GRM1: variants seen among roughly 807,000 people sequenced by gnomAD.
The protein encoded by GRM1 is metabotropic glutamate receptor 1.
GRM1 carries 33 observed loss-of-function variants against 90.9 expected under a neutral mutation model. The observed-to-expected ratio is 0.36, with a 90% CI of 0.28 to 0.49. The LOEUF (loss-of-function observed/expected upper bound fraction) is 0.49. Among genes scored for constraint, GRM1 ranks in the 20% least tolerant of loss-of-function variants. The pLI, the probability that GRM1 is intolerant of heterozygous loss-of-function variation, is 0.99. For synonymous variants in GRM1, 700 were observed against 613.2 expected (o/e 1.14, Z -2.09); for missense variants, 1,190 against 1,534.3 (o/e 0.78, Z 3.75).
At chr6:146,229,021 A>G (rs1222266143) in intron 2 of GRM1, among the ~76,000 whole-genome samples, 2 of 152,164 alleles carry the variant, frequency 1.3e-5, no homozygotes, top group African/African-American at 4.8e-5. Flanking sequence ...TGTAGAGAGT[A>G]CATAAACATC....
intron 2 of GRM1, among the ~76,000 whole-genome samples, chr6:146,203,254 T>A (rs7758137): frequency 0.11 from 16,362 of 151,122 alleles, 2,440 homozygotes; most frequent in African/African-American, 0.33. Flanking sequence ...TCCCTGAATG[T>A]TAGTGGTTTA....
intron 2 of GRM1, among the ~76,000 whole-genome samples, chr6:146,239,274 TA>T (rs1386026515): frequency 6.6e-6 from 1 of 152,150 alleles, no homozygotes; most frequent in Non-Finnish European, 1.5e-5. Context: ...ACTCCTTCTC[TA>T]AAAAATGTAT....
intron 2 of GRM1, among the ~76,000 whole-genome samples, chr6:146,224,405 A>G (rs1780170188): frequency 6.6e-6 from 1 of 152,136 alleles, no homozygotes; most frequent in South Asian, 2.1e-4. Context: ...TTCTAATCTT[A>G]TCCTAACAAC....
chr6:146,148,780 T>G (rs531911520), intron 1 of GRM1, among the ~76,000 whole-genome samples: 3 of 152,254 alleles, frequency 2.0e-5, no homozygotes, highest in Admixed American at 2.0e-4. Flanking sequence ...ATATTATCAT[T>G]AACAAGTATA....
At position 146,236,425 on chromosome 6, in the gene GRM1, C is replaced by T. The variant is rs149820775; in HGVS notation, c.951-68186C>T. 7.3e-4 allele frequency among the ~76,000 whole-genome samples: 111 copies of T among 152,182 alleles called. 2 individuals are homozygous for T. The highest frequency in any genetic ancestry group is 3.2e-3 in the Admixed American group (49 of 15,270). On this transcript the variant is annotated intron_variant, in intron 2 of 7. Coordinates refer to ENST00000282753, the MANE Select transcript of GRM1 (RefSeq NM_001278064.2). ...TAATACCTGTCCTTGGAGAAGTGTT[C>T]GTTCTACATTTTTGACATTCCCCTA...
At chr6:146,354,259 C>A (rs1164504274) in intron 4 of GRM1, among the ~76,000 whole-genome samples, 2 of 152,198 alleles carry the variant, frequency 1.3e-5, no homozygotes, top group Non-Finnish European at 1.5e-5. Flanking sequence ...GTACTAGGAG[C>A]AACAAGTGAG....
At chr6:146,123,484 A>G (rs1489906056) in intron 1 of GRM1, among the ~76,000 whole-genome samples, 1 of 152,180 alleles carries the variant, frequency 6.6e-6, no homozygotes, top group African/African-American at 2.4e-5. Context: ...GCACCACTGG[A>G]GTGCTCTCAC....
intron 2 of GRM1, among the ~76,000 whole-genome samples, chr6:146,256,805 C>A (rs1162115848): frequency 1.3e-5 from 2 of 152,134 alleles, no homozygotes; most frequent in African/African-American, 2.4e-5. Context: ...TGTCATCTTC[C>A]TAAAGTCCTC....
intron 1 of GRM1, among the ~76,000 whole-genome samples, chr6:146,058,231 T>C (rs1218063383): frequency 6.6e-6 from 1 of 151,984 alleles, no homozygotes; most frequent in African/African-American, 2.4e-5. Context: ...TGATTTAGAG[T>C]GGTGGCATGA....
intron 3 of GRM1, among the ~76,000 whole-genome samples, chr6:146,312,318 G>GT (rs1040412795): frequency 8.2e-6 from 1 of 122,694 alleles, no homozygotes; most frequent in African/African-American, 3.1e-5. Flanking sequence ...TCCGGCCTGG[G>GT]TGAAAGAGCC....
intron 2 of GRM1, among the ~76,000 whole-genome samples, chr6:146,197,525 A>G (rs1779162290): frequency 6.6e-6 from 1 of 152,226 alleles, no homozygotes; most frequent in Non-Finnish European, 1.5e-5. Flanking sequence ...CAATGCATCC[A>G]GCATGCTGGC....
At chr6:146,101,897 A>C (rs1362732126) in intron 1 of GRM1, among the ~76,000 whole-genome samples, 1 of 150,970 alleles carries the variant, frequency 6.6e-6, no homozygotes, top group Non-Finnish European at 1.5e-5. Flanking sequence ...ATGAGTGATA[A>C]AATTAATACC....
intron 1 of GRM1, among the ~76,000 whole-genome samples, chr6:146,036,002 T>A (rs1358534256): frequency 6.6e-6 from 1 of 152,034 alleles, no homozygotes; most frequent in African/African-American, 2.4e-5. Context: ...TAAGAAGCTG[T>A]CCTTCATAGG....
chr6:146,224,106 A>T (rs532838176), intron 2 of GRM1, among the ~76,000 whole-genome samples: 1 of 152,126 alleles, frequency 6.6e-6, no homozygotes, highest in Non-Finnish European at 1.5e-5. Flanking sequence ...ATCGGCCAAG[A>T]AAAGCTAAAA....
intron 1 of GRM1, among the ~76,000 whole-genome samples, chr6:146,037,667 G>T (rs913599198): frequency 2.6e-5 from 4 of 151,862 alleles, no homozygotes; most frequent in Non-Finnish European, 5.9e-5. Flanking sequence ...AGTTTTGGAT[G>T]ACTCCAACAT....
Position 146,201,381 on chromosome 6 carries a change from A to C in GRM1, c.950+41784A>C, listed in dbSNP as rs571186273. Among the ~76,000 whole-genome samples the C allele has an allele frequency of 1.7e-4, 26 of 152,312 alleles. No individual in the cohort carries two copies. In the South Asian group the frequency reaches 5.2e-3, roughly 30 times the overall value. Reference sequence around the variant, plus strand: ...CTCAGGCTGCTATAACAACATGATAAATTTGGTGGGTTAAACAACAGGTAT... The same window carrying C: ...CTCAGGCTGCTATAACAACATGATACATTTGGTGGGTTAAACAACAGGTAT... On this transcript the variant is annotated intron_variant, in intron 2 of 7. Transcript: ENST00000282753.
At chr6:146,302,977 G>A (rs1189505686) in intron 2 of GRM1, among the ~76,000 whole-genome samples, 8 of 152,130 alleles carry the variant, frequency 5.3e-5, no homozygotes, top group Non-Finnish European at 8.8e-5. Flanking sequence ...GGATTTGGAA[G>A]CATATAAAAA....
chr6:146,276,700 T>C (rs1370086936), intron 2 of GRM1, among the ~76,000 whole-genome samples: 1 of 152,122 alleles, frequency 6.6e-6, no homozygotes, highest in Non-Finnish European at 1.5e-5. Flanking sequence ...GAATTGTTAG[T>C]TAAAAATCTT....
At chr6:146,431,263 C>T (rs1778394603) in intron 7 of GRM1, among the ~76,000 whole-genome samples, 1 of 152,072 alleles carries the variant, frequency 6.6e-6, no homozygotes, top group African/African-American at 2.4e-5. Context: ...TTTTGAAGGC[C>T]ATAGTGAAAA....
Sources: allele counts gnomAD v4.1 joint callset (sites outside exome capture counted in the v4.1 genomes callset), GRCh38; gene constraint gnomAD v4.1.1; transcripts MANE v1.5; gene names NCBI Gene and HGNC (gene_info 2026-07-23, HGNC 2026-07-21).